Variants in RANBP2 observed in about 807,000 individuals in gnomAD.
The protein encoded by RANBP2 is RAN binding protein 2.
A neutral mutation model predicts 303.6 loss-of-function variants in RANBP2; 57 were observed. The ratio of observed to expected loss-of-function variants is 0.19; its 90% confidence interval spans 0.15 to 0.23. RANBP2 has a LOEUF of 0.23. RANBP2 is among the 10% of genes least tolerant of loss of function. The pLI is 1.00. For synonymous variants in RANBP2, 1,167 were observed against 1,301.5 expected (o/e 0.90, Z 2.23); for missense variants, 3,138 against 3,780.8 (o/e 0.83, Z 4.46).
At chr2:109,147,093 T>G in the RANBP2 span, among the ~76,000 whole-genome samples, 4 of 152,006 alleles carry the variant, frequency 2.6e-5, no homozygotes. Context: ...CTGTCTCGTT[T>G]TCCCCTCTTG....
At chr2:109,450,416 G>T in the RANBP2 span, among the ~76,000 whole-genome samples, 8 of 151,960 alleles carry the variant, frequency 5.3e-5, no homozygotes, top group Non-Finnish European at 8.8e-5. Context: ...CCTGCTAGAC[G>T]TTAGATTAAC....
chr2:109,375,020 A>G, the RANBP2 span, among the ~76,000 whole-genome samples: 1 of 152,314 alleles, frequency 6.6e-6, no homozygotes, highest in South Asian at 2.1e-4. Flanking sequence ...CTGGCCTTGC[A>G]CTGCTTCAGC....
the RANBP2 span, among the ~76,000 whole-genome samples, chr2:108,974,078 C>A: frequency 1.3e-5 from 2 of 151,656 alleles, no homozygotes; most frequent in African/African-American, 4.8e-5. Flanking sequence ...GCCTGTAATC[C>A]CAGCACTTTG....
chr2:109,120,106 C>A, the RANBP2 span, among the ~76,000 whole-genome samples: 3 of 152,244 alleles, frequency 2.0e-5, no homozygotes, highest in African/African-American at 7.2e-5. Context: ...GCTCCAAGGC[C>A]ATGCAGAGTG....
At chr2:108,952,681 C>A in the RANBP2 span, among the ~76,000 whole-genome samples, 1 of 152,146 alleles carries the variant, frequency 6.6e-6, no homozygotes, top group Non-Finnish European at 1.5e-5. Flanking sequence ...TAGTTAATTC[C>A]AACATCCGGA....
the RANBP2 span, among the ~76,000 whole-genome samples, chr2:109,424,478 A>T: frequency 6.6e-6 from 1 of 151,962 alleles, no homozygotes; most frequent in Non-Finnish European, 1.5e-5. Flanking sequence ...CAGATACTGC[A>T]TTTTTTTTAC....
At chr2:108,763,111 C>T in intron 19 of RANBP2, 126 bp from the exon 20 acceptor site, 1 of 1,128,118 alleles carries the variant, frequency 8.9e-7, no homozygotes, top group Non-Finnish European at 1.3e-6. Context: ...ATGATGTGTA[C>T]TACATCCCCT....
At chr2:109,252,213 G>A in the RANBP2 span, among the ~76,000 whole-genome samples, 15 of 149,882 alleles carry the variant, frequency 1.0e-4, no homozygotes, top group East Asian at 2.5e-3. Context: ...GCACCACTGC[G>A]CTCCAGCCCA....
chr2:109,312,998 A>G, the RANBP2 span, among the ~76,000 whole-genome samples: 1 of 152,150 alleles, frequency 6.6e-6, no homozygotes, highest in Non-Finnish European at 1.5e-5. Context: ...AATGCGGAAG[A>G]AGGGGGCTGA....
chr2:109,187,956 T>C, the RANBP2 span, among the ~76,000 whole-genome samples: 1 of 152,152 alleles, frequency 6.6e-6, no homozygotes, highest in South Asian at 2.1e-4. Flanking sequence ...AGCCCGTCTT[T>C]GGAGGGCGGT....
chr2:109,655,054 C>A, the RANBP2 span, among the ~76,000 whole-genome samples: 1 of 152,176 alleles, frequency 6.6e-6, no homozygotes, highest in East Asian at 1.9e-4. Flanking sequence ...AGGTGCCCAC[C>A]ACCATGCCCG....
the RANBP2 span, among the ~76,000 whole-genome samples, chr2:109,463,159 A>G: frequency 6.6e-6 from 1 of 152,152 alleles, no homozygotes; most frequent in Non-Finnish European, 1.5e-5. Flanking sequence ...TTCAAGTTAT[A>G]CTTCTGTTCA....
intron 6 of RANBP2, among the ~76,000 whole-genome samples, chr2:108,739,262 G>A (rs1695872421): frequency 6.6e-6 from 1 of 151,992 alleles, no homozygotes; most frequent in South Asian, 2.1e-4. Flanking sequence ...AATTAGCCGG[G>A]TATGTTGGCA....
At chr2:108,730,517 T>C (rs1695082714) in intron 2 of RANBP2, among the ~76,000 whole-genome samples, 1 of 152,186 alleles carries the variant, frequency 6.6e-6, no homozygotes, top group Non-Finnish European at 1.5e-5. Context: ...ATTTCTTATG[T>C]GTGGATAACA....
the RANBP2 span, chr2:108,930,174 A>G: frequency 6.2e-7 from 1 of 1,614,062 alleles, no homozygotes; most frequent in Admixed American, 1.7e-5. Flanking sequence ...ACAGCCCCGT[A>G]GTCTGGTTGT....
the RANBP2 span, among the ~76,000 whole-genome samples, chr2:109,029,578 T>C: frequency 6.6e-6 from 1 of 152,214 alleles, no homozygotes; most frequent in South Asian, 2.1e-4. Context: ...AGCATGTGTG[T>C]CCCTGCCGGG....
At chr2:109,685,448 A>G in the RANBP2 span, among the ~76,000 whole-genome samples, 58 of 152,354 alleles carry the variant, frequency 3.8e-4, no homozygotes, top group Middle Eastern at 3.4e-3. Flanking sequence ...CAAGCAACAT[A>G]TGAAGTGTCA....
the RANBP2 span, chr2:109,371,596 T>C: frequency 6.2e-7 from 1 of 1,614,012 alleles, no homozygotes; most frequent in South Asian, 1.1e-5. Flanking sequence ...GACGAGATTC[T>C]GACGGTGCTC....
At chr2:109,071,093 T>A in the RANBP2 span, among the ~76,000 whole-genome samples, 2 of 152,170 alleles carry the variant, frequency 1.3e-5, no homozygotes, top group African/African-American at 4.8e-5. Flanking sequence ...AGATCAGTGG[T>A]GCTTTCACAC....
Sources: allele counts gnomAD v4.1 joint callset (sites outside exome capture counted in the v4.1 genomes callset), GRCh38; gene constraint gnomAD v4.1.1; transcripts MANE v1.5; gene names NCBI Gene and HGNC (gene_info 2026-07-23, HGNC 2026-07-21).